TMEFF2: variants seen among roughly 807,000 people sequenced by gnomAD.
The protein encoded by TMEFF2 is tomoregulin-2.
In TMEFF2, 28 loss-of-function variants were observed where a neutral mutation model predicts 53.8. The ratio of observed to expected loss-of-function variants is 0.52; its 90% CI spans 0.39 to 0.71. The LOEUF (loss-of-function observed/expected upper bound fraction) is 0.71, where lower values mean the gene tolerates loss of function less well. Among genes scored for constraint, TMEFF2 ranks in the 30% least tolerant of loss-of-function variants. The pLI, the probability that TMEFF2 is intolerant of heterozygous loss-of-function variation, is 0.00. For missense variants in TMEFF2, 353 were observed against 455.2 expected (o/e 0.78, Z 2.04); for synonymous variants, 162 against 166.3 (o/e 0.97, Z 0.20).
intron 4 of TMEFF2, among the ~76,000 whole-genome samples, chr2:192,115,309 A>C (rs897533985): frequency 1.3e-5 from 2 of 151,992 alleles, no homozygotes; most frequent in Admixed American, 6.6e-5. Flanking sequence ...AATCTTCAGC[A>C]AAAGCTCCAA....
At chr2:192,012,079 A>G (rs1388880039) in intron 5 of TMEFF2, among the ~76,000 whole-genome samples, 3 of 151,742 alleles carry the variant, frequency 2.0e-5, no homozygotes, top group African/African-American at 4.8e-5. Flanking sequence ...AATTTTTTGT[A>G]TTTTTAGTAG....
chr2:192,004,989 G>C (rs534588427), intron 5 of TMEFF2, among the ~76,000 whole-genome samples: 1 of 151,992 alleles, frequency 6.6e-6, no homozygotes, highest in South Asian at 2.1e-4. Context: ...TTGACATTTT[G>C]ACACTGCGAT....
At chr2:192,054,361 G>A (rs1036081563) in intron 5 of TMEFF2, among the ~76,000 whole-genome samples, 3 of 152,040 alleles carry the variant, frequency 2.0e-5, no homozygotes, top group African/African-American at 7.2e-5. Flanking sequence ...TTCTTGACGA[G>A]TTTTTCTGAT....
chr2:191,974,893 A>G (rs1364623406), intron 7 of TMEFF2, among the ~76,000 whole-genome samples: 1 of 152,146 alleles, frequency 6.6e-6, no homozygotes, highest in African/African-American at 2.4e-5. Context: ...AATATGGTAG[A>G]GACTTTCAAA....
At chr2:191,985,036 ATGAAACAATTACT>A (rs575938941) in intron 7 of TMEFF2, among the ~76,000 whole-genome samples, 10 of 152,274 alleles carry the variant, frequency 6.6e-5, no homozygotes, top group Admixed American at 4.6e-4. Flanking sequence ...TGCTATCCAA[ATGAAACAATTACT>A]TCTATCTAGA....
intron 3 of TMEFF2, 128 bp downstream of exon 3, chr2:192,184,226 C>G: frequency 8.1e-7 from 1 of 1,232,606 alleles, no homozygotes; most frequent in Non-Finnish European, 1.1e-6. Context: ...ATGTTTTGAA[C>G]AAAACAATAC....
chr2:192,156,119 G>A (rs1690501200), intron 4 of TMEFF2, among the ~76,000 whole-genome samples: 2 of 151,880 alleles, frequency 1.3e-5, no homozygotes, highest in Non-Finnish European at 2.9e-5. Flanking sequence ...ACTTAGGCTG[G>A]TGCCCAGGAA....
intron 4 of TMEFF2, among the ~76,000 whole-genome samples, chr2:192,113,172 A>C (rs1261421824): frequency 6.6e-6 from 1 of 152,198 alleles, no homozygotes; most frequent in Non-Finnish European, 1.5e-5. Context: ...TGATTTGAAA[A>C]TATTTAGGCT....
At chr2:192,018,916 T>G (rs935761416) in intron 5 of TMEFF2, among the ~76,000 whole-genome samples, 5 of 152,060 alleles carry the variant, frequency 3.3e-5, no homozygotes, top group African/African-American at 1.2e-4. Context: ...ACTTATGTGA[T>G]CAAATAAATT....
intron 4 of TMEFF2, among the ~76,000 whole-genome samples, chr2:192,136,640 C>CT (rs1275998242): frequency 1.3e-5 from 2 of 152,048 alleles, no homozygotes; most frequent in Non-Finnish European, 2.9e-5. Context: ...TATTTCTTCT[C>CT]TTTTTTTCTC....
intron 4 of TMEFF2, among the ~76,000 whole-genome samples, chr2:192,090,099 G>A (rs1399435607): frequency 6.6e-6 from 1 of 152,074 alleles, no homozygotes; most frequent in Non-Finnish European, 1.5e-5. Flanking sequence ...ATTAGAAATG[G>A]TATATATTAT....
intron 4 of TMEFF2, among the ~76,000 whole-genome samples, chr2:192,098,670 T>C (rs1009517267): frequency 2.6e-5 from 4 of 152,162 alleles, no homozygotes; most frequent in African/African-American, 9.7e-5. Flanking sequence ...AAAAATTAGC[T>C]AAATTGGCAG....
intron 4 of TMEFF2, among the ~76,000 whole-genome samples, chr2:192,096,598 T>C (rs181154034): frequency 8.7e-4 from 132 of 151,908 alleles, no homozygotes; most frequent in African/African-American, 3.0e-3. Flanking sequence ...CACCAATATA[T>C]ATTTTATGTC....
chr2:191,981,103 C>T (rs924111070), intron 7 of TMEFF2, among the ~76,000 whole-genome samples: 5 of 151,710 alleles, frequency 3.3e-5, no homozygotes, highest in African/African-American at 1.2e-4. Flanking sequence ...AAAAATACGA[C>T]ATGATTTAAA....
chr2:192,131,111 GA>G (rs1689813776), intron 4 of TMEFF2, among the ~76,000 whole-genome samples: 1 of 142,892 alleles, frequency 7.0e-6, no homozygotes, highest in Admixed American at 7.0e-5. Context: ...GCTTTTCTGG[GA>G]AAAGGGCAAG....
At chr2:192,137,513 C>T (rs1295341745) in intron 4 of TMEFF2, among the ~76,000 whole-genome samples, 2 of 151,974 alleles carry the variant, frequency 1.3e-5, no homozygotes, top group Non-Finnish European at 2.9e-5. Flanking sequence ...CAAGGAAATG[C>T]CATCATTAGG....
intron 1 of TMEFF2, among the ~76,000 whole-genome samples, chr2:192,193,761 TAGAGAGAGAGAGAGAGAGAG>T (rs530141565): frequency 4.2e-5 from 2 of 47,826 alleles, no homozygotes; most frequent in East Asian, 1.1e-3. Flanking sequence ...GATAGATAGA[TAGAGAGAGAGAGAGAGAGAG>T]AGAGAGAGAG....
At chr2:192,180,862 G>C (rs1004092514) in intron 3 of TMEFF2, among the ~76,000 whole-genome samples, 18 of 151,672 alleles carry the variant, frequency 1.2e-4, no homozygotes, top group African/African-American at 4.4e-4. Flanking sequence ...GCAGTAGTTT[G>C]AACTGTCAGT....
At chr2:191,954,872 A>G (rs962341784) in intron 8 of TMEFF2, among the ~76,000 whole-genome samples, 1 of 152,190 alleles carries the variant, frequency 6.6e-6, no homozygotes, top group Non-Finnish European at 1.5e-5. Context: ...AATAGCTCAT[A>G]AGAAAACAAT....
Sources: gnomAD v4.1 joint callset for allele counts (sites outside exome capture counted in the v4.1 genomes callset) on GRCh38, gnomAD v4.1.1 for gene constraint, MANE v1.5 for transcripts, NCBI Gene and HGNC (gene_info 2026-07-23, HGNC 2026-07-21) for gene names.